CREM: variants seen among roughly 807,000 people sequenced by gnomAD.
CREM encodes cAMP responsive element modulator.
A neutral mutation model predicts 37.3 loss-of-function variants in CREM; 13 were observed. The ratio of observed to expected loss-of-function variants is 0.35; its 90% CI spans 0.23 to 0.55. The LOEUF (loss-of-function observed/expected upper bound fraction) is 0.55. CREM is among the 20% of genes least tolerant of loss of function. CREM has a pLI of 0.88. For synonymous variants in CREM, 124 were observed against 120.2 expected (o/e 1.03, Z -0.21); for missense variants, 296 against 362.3 (o/e 0.82, Z 1.49).
intron 6 of CREM, chr10:35,196,140 C>T (rs61638593): frequency 6.2e-7 from 1 of 1,608,848 alleles, no homozygotes; most frequent in Middle Eastern, 1.7e-4. Context: ...CTGCATGCGC[C>T]TGGTGAGAAA....
intron 6 of CREM, among the ~76,000 whole-genome samples, chr10:35,190,953 T>C (rs2133831787): frequency 6.6e-6 from 1 of 152,240 alleles, no homozygotes; most frequent in African/African-American, 2.4e-5. Flanking sequence ...TGAGCCACCA[T>C]GCCCAGCCAA....
At chr10:35,153,318 G>T (rs1309845455) in intron 3 of CREM, among the ~76,000 whole-genome samples, 1 of 151,770 alleles carries the variant, frequency 6.6e-6, no homozygotes, top group South Asian at 2.1e-4. Flanking sequence ...TCTTCTTGTC[G>T]CTGAAGTATT....
chr10:35,185,172 T>C (rs2094504433), intron 5 of CREM, among the ~76,000 whole-genome samples: 1 of 151,528 alleles, frequency 6.6e-6, no homozygotes, highest in Non-Finnish European at 1.5e-5. Context: ...GTGCAATCTC[T>C]GCTCACCGCA....
chr10:35,140,407 C>T (rs2091259874), intron 2 of CREM, among the ~76,000 whole-genome samples: 2 of 152,284 alleles, frequency 1.3e-5, no homozygotes, highest in South Asian at 2.1e-4. Context: ...ACCTCTTTTT[C>T]ATCCCTCATC....
chr10:35,211,716 A>T lies in CREM; in HGVS notation c.*318A>T. 1.9e-6 allele frequency: 3 copies of T among 1,614,120 alleles called. No homozygotes were observed. Among genetic ancestry groups the T allele is most frequent in the Non-Finnish European group, 2.5e-6 (3 of 1,180,018 alleles). On this transcript the variant is annotated 3_prime_UTR_variant, in exon 8 of 8. Coordinates refer to ENST00000685392, the MANE Select transcript of CREM (RefSeq NM_183011.2). Reference sequence around the variant, plus strand: ...AATATGTAAAATGTCTGGAGAGCCGAGTTGCAGTGCTGGAAGTCCAGAACA... The same window carrying T: ...AATATGTAAAATGTCTGGAGAGCCGTGTTGCAGTGCTGGAAGTCCAGAACA...
chr10:35,186,694 A>C (rs1175125004), intron 5 of CREM, among the ~76,000 whole-genome samples: 2 of 139,632 alleles, frequency 1.4e-5, no homozygotes, highest in Non-Finnish European at 3.0e-5. Flanking sequence ...TATATTAAAA[A>C]TTTTGGTCAT....
chr10:35,152,796 A>T (rs2092676697), intron 3 of CREM, among the ~76,000 whole-genome samples: 2 of 152,172 alleles, frequency 1.3e-5, no homozygotes, highest in East Asian at 1.9e-4. Flanking sequence ...CAATACAAGT[A>T]GTTTTAAAAT....
At chr10:35,174,519 T>C (rs2093963294) in intron 3 of CREM, among the ~76,000 whole-genome samples, 1 of 152,230 alleles carries the variant, frequency 6.6e-6, no homozygotes, top group Non-Finnish European at 1.5e-5. Flanking sequence ...ACCCAGTTTT[T>C]AATAATTCTT....
chr10:35,176,474 C>A (rs2094090958), intron 3 of CREM, among the ~76,000 whole-genome samples: 1 of 143,870 alleles, frequency 7.0e-6, no homozygotes, highest in Admixed American at 7.4e-5. Flanking sequence ...GTGGCATGAT[C>A]TCGGGCCATT....
At chr10:35,169,057 T>C (rs2093682188) in intron 3 of CREM, among the ~76,000 whole-genome samples, 1 of 152,100 alleles carries the variant, frequency 6.6e-6, no homozygotes, top group African/African-American at 2.4e-5. Context: ...GTTCTTTTGG[T>C]TTAGGATTAT....
At chr10:35,133,548 C>G (rs1053309862) in intron 1 of CREM, among the ~76,000 whole-genome samples, 2 of 152,192 alleles carry the variant, frequency 1.3e-5, no homozygotes, top group Non-Finnish European at 2.9e-5. Flanking sequence ...ATCCACTCAA[C>G]TTGGCCTCCG....
chr10:35,135,064 T>A (rs1343600005), intron 1 of CREM, among the ~76,000 whole-genome samples: 1 of 151,530 alleles, frequency 6.6e-6, no homozygotes, highest in East Asian at 1.9e-4. Context: ...AAAGAAAAAT[T>A]AATTGAAGCT....
chr10:35,195,172 T>C (rs1198227968), intron 6 of CREM: 1 of 1,613,560 alleles, frequency 6.2e-7, no homozygotes, highest in African/African-American at 1.3e-5. Flanking sequence ...AAGACAGTTC[T>C]GTCTGCAGAA....
At chr10:35,132,201 CAAAAAAAAAAA>C (rs374078423) in intron 1 of CREM, among the ~76,000 whole-genome samples, 1 of 49,208 alleles carries the variant, frequency 2.0e-5, no homozygotes, top group Non-Finnish European at 4.4e-5. Flanking sequence ...ACTTGAGTCT[CAAAAAAAAAAA>C]AAAAAGAAAA....
chr10:35,187,965 G>C (rs958999390), intron 5 of CREM, among the ~76,000 whole-genome samples: 1 of 152,196 alleles, frequency 6.6e-6, no homozygotes, highest in African/African-American at 2.4e-5. Flanking sequence ...CACTCCATGG[G>C]CTCTATGAAT....
At position 35,195,750 on chromosome 10, in the gene CREM, T is replaced by G. The variant is rs1379517460; in HGVS notation, c.598+7362T>G. The G allele has an allele frequency of 1.4e-5, 6 of 432,612 alleles. No homozygotes were observed. The Admixed American group carries it at 2.0e-4, about 14-fold the overall frequency. The allele number at this position is 432,612 out of a possible 1,614,324, so 26.8% of individuals were successfully genotyped here. A position where few individuals can be genotyped will look rare whatever the true frequency, so the allele number is the denominator to read the frequency against. On this transcript the variant is annotated intron_variant, in intron 6 of 7. Coordinates refer to ENST00000685392, the MANE Select transcript of CREM (RefSeq NM_183011.2). ...CTTTCCTCCTGTATTTAAAATGGTC[T>G]GTTCAGCTAATTGAGTTCAAAAGGC... is the stretch of plus-strand genomic sequence containing the variant.
At chr10:35,134,860 A>C (rs1415589431) in intron 1 of CREM, among the ~76,000 whole-genome samples, 1 of 152,064 alleles carries the variant, frequency 6.6e-6, no homozygotes, top group East Asian at 1.9e-4. Context: ...CAAAATGGTG[A>C]AACACCATCT....
At chr10:35,207,247 C>A (rs538664085) in intron 7 of CREM, among the ~76,000 whole-genome samples, 196 bp downstream of exon 7, 1 of 151,414 alleles carries the variant, frequency 6.6e-6, no homozygotes, top group East Asian at 2.0e-4. Flanking sequence ...CAAAAAAATT[C>A]GCCGGGCGTG....
intron 3 of CREM, among the ~76,000 whole-genome samples, chr10:35,153,628 A>C (rs1018774616): frequency 6.6e-6 from 1 of 152,126 alleles, no homozygotes; most frequent in African/African-American, 2.4e-5. Context: ...GTACCTTAAA[A>C]CTGACTTTCT....
Sources: gnomAD v4.1 joint callset for allele counts (sites outside exome capture counted in the v4.1 genomes callset) on GRCh38, gnomAD v4.1.1 for gene constraint, MANE v1.5 for transcripts, NCBI Gene and HGNC (gene_info 2026-07-23, HGNC 2026-07-21) for gene names.